HIVEP3: variants seen among roughly 807,000 people sequenced by gnomAD.
HIVEP3 encodes the protein transcription factor HIVEP3.
HIVEP3 carries 49 observed loss-of-function variants against 152.8 expected under a neutral mutation model. That is an observed-to-expected ratio of 0.32 (90% CI 0.26 to 0.41). The LOEUF is 0.41. Ranked by LOEUF, HIVEP3 falls within the 10% of genes least tolerant of loss-of-function variation. The pLI is 1.00. For synonymous variants in HIVEP3, 1,269 were observed against 1,289.0 expected, an observed-to-expected ratio of 0.98 and a Z score of 0.33; for missense variants, 2,790 against 3,103.3, an observed-to-expected ratio of 0.90 and a Z score of 2.40.
chr1:41,707,868 A>T (rs865839905), intron 1 of HIVEP3, among the ~76,000 whole-genome samples: 2 of 152,228 alleles, frequency 1.3e-5, no homozygotes, highest in South Asian at 2.1e-4. Context: ...ATGCTCAATA[A>T]CGGTTTGCTA....
rs767464049 is a variant in HIVEP3 at position 41,584,630 on chromosome 1, C to T, written c.168G>A (p.Pro56=). ...CTGATGAGGGGCCCGGGAAGGGCTG[C>T]GGGGCTAAGAGCTCTTGGGCGGGGC... ...QESPAQELLA[P]QPFPGPSSVL... is the part of the protein sequence containing the mutation. Residue 56 remains proline (P), a synonymous_variant, in exon 4 of 9, where the codon CCG becomes CCA. Transcript: ENST00000372583. The surrounding 1 kb of genome is among the most constrained non-coding windows in gnomAD (Gnocchi z 5.2). 23 of 1,606,976 alleles carry T rather than the reference C, an allele frequency of 1.4e-5. No individual in the cohort carries two copies. The highest frequency in any genetic ancestry group is 8.9e-5 in the East Asian group (4 of 44,818).
At chr1:41,560,749 G>A (rs1392871352) in intron 5 of HIVEP3, among the ~76,000 whole-genome samples, 1 of 152,194 alleles carries the variant, frequency 6.6e-6, no homozygotes, top group East Asian at 1.9e-4. Context: ...GTAGAGAGGT[G>A]CTTTCTCTCT....
chr1:41,861,125 G>A (rs768947018), intron 1 of HIVEP3, among the ~76,000 whole-genome samples: 15 of 152,210 alleles, frequency 9.9e-5, no homozygotes, highest in Non-Finnish European at 1.6e-4. Context: ...GCCTGTGTCC[G>A]TCAGTATGGG....
chr1:41,654,163 G>A (rs1645596033), intron 2 of HIVEP3, among the ~76,000 whole-genome samples: 2 of 152,140 alleles, frequency 1.3e-5, no homozygotes, highest in South Asian at 4.1e-4. Context: ...TTGAGTTGGT[G>A]AACTTTCACT....
At chr1:41,928,171 G>T (rs1644977652) in intron 1 of HIVEP3, among the ~76,000 whole-genome samples, 1 of 151,810 alleles carries the variant, frequency 6.6e-6, no homozygotes, top group African/African-American at 2.4e-5. Flanking sequence ...AAATGAGTTG[G>T]GTCAGATGAC....
At chr1:41,765,382 G>A (rs1027392757) in intron 1 of HIVEP3, among the ~76,000 whole-genome samples, 1 of 152,134 alleles carries the variant, frequency 6.6e-6, no homozygotes, top group African/African-American at 2.4e-5. Flanking sequence ...CTCGTCTGAT[G>A]TTGTTTAACC....
intron 2 of HIVEP3, among the ~76,000 whole-genome samples, chr1:41,689,521 T>C (rs534949768): frequency 2.0e-5 from 3 of 151,736 alleles, no homozygotes; most frequent in African/African-American, 7.3e-5. Context: ...CGGGAGAGAG[T>C]CCCTGGGAGG....
intron 1 of HIVEP3, among the ~76,000 whole-genome samples, chr1:41,852,782 C>T (rs766043980): frequency 6.6e-5 from 10 of 152,214 alleles, no homozygotes; most frequent in Non-Finnish European, 1.2e-4. Flanking sequence ...TTCCACTCTT[C>T]CTTAAGTGAT....
Position 41,976,255 on chromosome 1 carries a change from T to C in HIVEP3, n.120-57731A>G, listed in dbSNP as rs550360705. On this transcript the variant is annotated intron_variant and non_coding_transcript_variant, in intron 1 of 3. Transcript: ENST00000489103. ...ATACGTTTGTGGCGTCATTCATTAA[T>C]TCCTTTCACTTCTCTCTAAAGCACT... 3.3e-5 allele frequency among the ~76,000 whole-genome samples: 5 copies of C among 152,352 alleles called. No individual in the cohort carries two copies. The South Asian group carries it at 8.3e-4, about 25-fold the overall frequency.
chr1:41,565,774 AC>A (rs913382964), intron 5 of HIVEP3, among the ~76,000 whole-genome samples: 1 of 151,236 alleles, frequency 6.6e-6, no homozygotes, highest in Non-Finnish European at 1.5e-5. Context: ...GCTGCCCGAG[AC>A]CCCCCTACCC....
chr1:41,601,564 T>C (rs1644748341), intron 3 of HIVEP3, among the ~76,000 whole-genome samples: 1 of 152,188 alleles, frequency 6.6e-6, no homozygotes, highest in Non-Finnish European at 1.5e-5. Context: ...TGTTAGTGTA[T>C]AGAAATGCCA....
At position 41,664,110 on chromosome 1, in the gene HIVEP3, A is replaced by G. The variant is rs139569345; in HGVS notation, c.-720-35163T>C. On this transcript the variant is annotated intron_variant, in intron 2 of 8. Transcript: ENST00000372583. The surrounding 1 kb of genome is among the most constrained non-coding windows in gnomAD (Gnocchi z 4.4). ...TTGAAATGTCTTCTCCACCCCCTCC[A>G]GCTGTCCTTCACACCCTGAATCCAA... Among the ~76,000 whole-genome samples the G allele has an allele frequency of 0.016, 2,482 of 152,246 alleles. 31 individuals are homozygous for G. The highest frequency in any genetic ancestry group is 0.021 in the Non-Finnish European group (1,462 of 68,012).
At chr1:41,614,704 G>A (rs1441431390) in intron 3 of HIVEP3, among the ~76,000 whole-genome samples, 1 of 152,218 alleles carries the variant, frequency 6.6e-6, no homozygotes, top group East Asian at 1.9e-4. Flanking sequence ...CAGAAGGGAT[G>A]GAAGAAGATG....
chr1:41,826,548 T>C (rs1642809202), intron 1 of HIVEP3, among the ~76,000 whole-genome samples: 1 of 152,212 alleles, frequency 6.6e-6, no homozygotes. Flanking sequence ...CGATGTGAAC[T>C]GGACAGTCTG....
At chr1:41,838,071 G>A (rs1337347271) in intron 1 of HIVEP3, among the ~76,000 whole-genome samples, 3 of 152,048 alleles carry the variant, frequency 2.0e-5, no homozygotes, top group Non-Finnish European at 2.9e-5. Context: ...CAGATGGCCC[G>A]GTGAATTCCT....
chr1:41,576,175 G>A (rs1644324763), intron 4 of HIVEP3, among the ~76,000 whole-genome samples: 1 of 152,204 alleles, frequency 6.6e-6, no homozygotes, highest in Non-Finnish European at 1.5e-5. Context: ...GCGAGTTAAG[G>A]GCAGAGCTGG....
At chr1:41,721,793 G>A (rs1344557571) in intron 1 of HIVEP3, among the ~76,000 whole-genome samples, 8 of 152,190 alleles carry the variant, frequency 5.3e-5, no homozygotes, top group African/African-American at 1.7e-4. Context: ...GCTGGGATGG[G>A]AGCCCAGGCA....
At chr1:41,621,571 G>A (rs1487415730) in intron 3 of HIVEP3, among the ~76,000 whole-genome samples, 1 of 152,256 alleles carries the variant, frequency 6.6e-6, no homozygotes, top group Non-Finnish European at 1.5e-5. Context: ...CTGCAGTGCA[G>A]TGGTATAATC....
intron 5 of HIVEP3, among the ~76,000 whole-genome samples, chr1:41,525,150 A>G (rs1480750006): frequency 6.6e-6 from 1 of 152,194 alleles, no homozygotes; most frequent in Non-Finnish European, 1.5e-5. Context: ...CCTCCAGAGC[A>G]GCAGACACTG....
Sources: allele counts gnomAD v4.1 joint callset (sites outside exome capture counted in the v4.1 genomes callset), GRCh38; gene constraint gnomAD v4.1.1; non-coding constraint Gnocchi (gnomAD v3.1); transcripts MANE v1.5; gene names NCBI Gene and HGNC (gene_info 2026-07-23, HGNC 2026-07-21).